GNB1L: variants seen among roughly 807,000 people sequenced by gnomAD.
GNB1L encodes the protein guanine nucleotide-binding protein subunit beta-like protein 1.
GNB1L carries 20 observed loss-of-function variants against 29.1 expected under a neutral mutation model. That is an observed-to-expected ratio of 0.69 (90% confidence interval 0.48 to 1.00). GNB1L has a LOEUF of 1.00. Among genes scored for constraint, GNB1L ranks in the 50% least tolerant of loss-of-function variants. The probability of loss-of-function intolerance (pLI) is 0.00; values close to 1 mark genes in which losing one functional copy is unlikely to be tolerated. For synonymous variants in GNB1L, 193 were observed against 206.5 expected (o/e 0.93, Z 0.56); for missense variants, 421 against 464.9 (o/e 0.91, Z 0.87).
intron 2 of GNB1L, chr22:19,846,868 T>C: frequency 1.1e-6 from 1 of 934,858 alleles, no homozygotes; most frequent in Non-Finnish European, 1.3e-6. Context: ...TGTCTGTTGT[T>C]TAAGTCCCCT....
intron 6 of GNB1L, among the ~76,000 whole-genome samples, chr22:19,803,691 T>C (rs1937400757): frequency 6.6e-6 from 1 of 152,156 alleles, no homozygotes; most frequent in Non-Finnish European, 1.5e-5. Flanking sequence ...CCCTGGTAAG[T>C]GGTGCGTCTG....
At chr22:19,803,961 G>A (rs558871374) in intron 6 of GNB1L, among the ~76,000 whole-genome samples, 9 of 152,390 alleles carry the variant, frequency 5.9e-5, no homozygotes, top group African/African-American at 2.2e-4. Context: ...CCTAGAGCCT[G>A]TGTGAAGCCA....
intron 2 of GNB1L, chr22:19,851,684 G>A: frequency 1.3e-6 from 2 of 1,597,814 alleles, no homozygotes; most frequent in African/African-American, 1.3e-5. Context: ...CAGGGGACAG[G>A]TAACCACAGC....
At position 19,792,329 on chromosome 22, in the gene GNB1L, G is replaced by A. The variant is rs937790927; in HGVS notation, c.733-3369C>T. 6 of 944,130 alleles carry A rather than the reference G, an allele frequency of 6.4e-6. No homozygotes were observed. The African/African-American group carries it at 6.5e-5, about 10-fold the overall frequency. The allele number at this position is 944,130 out of a possible 1,614,324, so 58.5% of individuals were successfully genotyped here. On this transcript the variant is annotated intron_variant, in intron 7 of 7. Coordinates refer to ENST00000329517, the MANE Select transcript of GNB1L (RefSeq NM_053004.3). The stretch of plus-strand genomic sequence containing the variant: ...GAAAGAAGGCCAAGGGAAAGAAGGT[G>A]GCTCTGGCCCCTGCTGTCATGAAGA...
At chr22:19,838,227 G>A (rs1472306926) in intron 2 of GNB1L, among the ~76,000 whole-genome samples, 13 of 152,184 alleles carry the variant, frequency 8.5e-5, no homozygotes, top group Non-Finnish European at 1.6e-4. Flanking sequence ...CTAAAAAGAT[G>A]TGCAAATAAG....
At chr22:19,811,314 G>A (rs193298192) in intron 5 of GNB1L, among the ~76,000 whole-genome samples, 7 of 152,266 alleles carry the variant, frequency 4.6e-5, no homozygotes, top group East Asian at 3.9e-4. Flanking sequence ...AAGACTGCCC[G>A]GGCACAGCGA....
In GNB1L at chr22:19,788,834, G is replaced by A; in HGVS notation, c.859C>T (p.Pro287Ser). ...CTGTGGAAGGCCAGCACGGCCAGTG[G>A]CTGCATCGTCCGCCAGTGGAACACG... is the stretch of plus-strand genomic sequence containing the variant. ...IRVFHWRTMQ[P>S]LAVLAFHSAA... is the part of the protein sequence containing the mutation. The change falls in exon 8 of 8, where the codon CCA (proline) becomes TCA (serine). Residue 287 changes from proline (P) to serine (S), a missense_variant. Coordinates refer to ENST00000329517, the MANE Select transcript of GNB1L (RefSeq NM_053004.3). 2 of 1,612,602 alleles carry A rather than the reference G, an allele frequency of 1.2e-6. No individual in the cohort carries two copies. Among genetic ancestry groups the A allele is most frequent in the South Asian group, 1.1e-5 (1 of 91,058 alleles).
chr22:19,818,674 G>A (rs1202438403), intron 4 of GNB1L, among the ~76,000 whole-genome samples: 3 of 152,218 alleles, frequency 2.0e-5, no homozygotes, highest in East Asian at 1.9e-4. Flanking sequence ...ACCAGGCACC[G>A]AGTCCAGAGC....
intron 2 of GNB1L, chr22:19,847,871 A>G: frequency 1.0e-6 from 1 of 969,742 alleles, no homozygotes; most frequent in African/African-American, 1.8e-5. Context: ...TAACATTGAA[A>G]TCTTTAATCT....
intron 4 of GNB1L, among the ~76,000 whole-genome samples, chr22:19,817,010 G>A (rs141597000): frequency 1.4e-3 from 219 of 152,308 alleles, no homozygotes; most frequent in Non-Finnish European, 1.7e-3. Context: ...ACTGCACACC[G>A]TAGTGAATTC....
Position 19,792,901 on chromosome 22 carries a change from C to G in GNB1L, c.733-3941G>C, listed in dbSNP as rs972516255. ...CACAGGAAGACCTGCACCACTGTCA[C>G]CTTCACATAGGTGAACTCGGAAGAC... On this transcript the variant is annotated intron_variant, in intron 7 of 7. Transcript: ENST00000329517. The G allele has an allele frequency of 1.7e-5, 20 of 1,175,318 alleles. No individual in the cohort carries two copies. In the African/African-American group the frequency reaches 2.8e-4, roughly 17 times the overall value. 72.8% of individuals were successfully genotyped at this position (1,175,318 alleles called of 1,614,324 possible). A position where few individuals can be genotyped will look rare whatever the true frequency, so the allele number is the denominator to read the frequency against.
rs1287100319 is a variant in GNB1L at position 19,798,236 on chromosome 22, G to A, written c.732+3765C>T. Among the ~76,000 whole-genome samples, 3 of 152,246 alleles carry A rather than the reference G, an allele frequency of 2.0e-5. No homozygotes were observed. In the East Asian group the frequency reaches 5.8e-4, roughly 29 times the overall value. Reference sequence around the variant, plus strand: ...GGATGCTGGCATGTACCTGTCATGCGTGTGGGGTTCGCCGCCTGTGCTTGC... The same window carrying A: ...GGATGCTGGCATGTACCTGTCATGCATGTGGGGTTCGCCGCCTGTGCTTGC... On this transcript the variant is annotated intron_variant, in intron 7 of 7. Transcript: ENST00000329517.
chr22:19,789,377 C>T (rs1276398454), intron 7 of GNB1L, among the ~76,000 whole-genome samples: 3 of 152,218 alleles, frequency 2.0e-5, no homozygotes, highest in African/African-American at 4.8e-5. Context: ...AACCTCACAA[C>T]CACCCCAAAG....
chr22:19,802,073 C>T lies in GNB1L; in HGVS notation c.660G>A (p.Lys220=), dbSNP rs972428672. 1 of 1,613,274 alleles carries T rather than the reference C, an allele frequency of 6.2e-7. No homozygotes were observed. The highest frequency in any genetic ancestry group is 1.3e-5 in the African/African-American group (1 of 74,958). ...PVMDLDFDSQ[K]ARGISGSAGK... is the part of the protein sequence containing the mutation. ...CCGCGGAGCCTGAGATGCCCCTGGC[C>T]TTCTGGGAGTCAAAGTCAAGGTCCA... is the stretch of plus-strand genomic sequence containing the variant. Residue 220 remains lysine (K), a synonymous_variant, in exon 7 of 8, where the codon AAG becomes AAA. Transcript: ENST00000329517.
intron 4 of GNB1L, among the ~76,000 whole-genome samples, chr22:19,818,565 G>T (rs186350076): frequency 2.6e-5 from 4 of 152,362 alleles, no homozygotes; most frequent in Admixed American, 2.6e-4. Flanking sequence ...CATCTCCCAG[G>T]TGGTAGGCAC....
At chr22:19,802,443 C>A (rs760297155) in intron 6 of GNB1L, among the ~76,000 whole-genome samples, 2 of 152,212 alleles carry the variant, frequency 1.3e-5, no homozygotes, top group African/African-American at 2.4e-5. Context: ...GCCCTTAGGG[C>A]ACCCCAAGGA....
chr22:19,789,741 G>A (rs1937231934), intron 7 of GNB1L, among the ~76,000 whole-genome samples: 1 of 151,876 alleles, frequency 6.6e-6, no homozygotes. Flanking sequence ...AACTACTCGG[G>A]AGGAGGATCA....
chr22:19,849,126 A>T (rs1375341177), intron 2 of GNB1L: 7 of 985,314 alleles, frequency 7.1e-6, no homozygotes, highest in Non-Finnish European at 8.4e-6. Context: ...ACATCTGACC[A>T]GAATCAAGAC....
chr22:19,794,599 G>A (rs1420905416), intron 7 of GNB1L, among the ~76,000 whole-genome samples: 2 of 152,194 alleles, frequency 1.3e-5, no homozygotes, highest in African/African-American at 4.8e-5. Context: ...TAGAAAATAA[G>A]TATAGAGGTG....
Sources: allele counts gnomAD v4.1 joint callset (sites outside exome capture counted in the v4.1 genomes callset), GRCh38; gene constraint gnomAD v4.1.1; transcripts MANE v1.5; gene names NCBI Gene and HGNC (gene_info 2026-07-23, HGNC 2026-07-21).